The following STXBP6 variants were observed in gnomAD, a reference collection of about 807,000 sequenced individuals.
The protein encoded by STXBP6 is syntaxin binding protein 6.
A neutral mutation model predicts 26.9 loss-of-function variants in STXBP6; 21 were observed. That is an observed-to-expected ratio of 0.78 (90% CI 0.55 to 1.12). The LOEUF (loss-of-function observed/expected upper bound fraction) is 1.12. Among genes scored for constraint, STXBP6 ranks in the 50% most tolerant of loss-of-function variants. The pLI is 0.00. For synonymous variants in STXBP6, 97 were observed against 92.6 expected, an observed-to-expected ratio of 1.05 and a Z score of -0.27; for missense variants, 232 against 257.9, an observed-to-expected ratio of 0.90 and a Z score of 0.69.
At chr14:24,914,677 C>T (rs1036280875) in intron 2 of STXBP6, among the ~76,000 whole-genome samples, 14 of 152,194 alleles carry the variant, frequency 9.2e-5, no homozygotes, top group African/African-American at 3.1e-4. Context: ...TTTCCCTAAG[C>T]TATCCGTTGT....
At chr14:24,930,387 T>C (rs1231178629) in intron 2 of STXBP6, among the ~76,000 whole-genome samples, 5 of 152,272 alleles carry the variant, frequency 3.3e-5, no homozygotes, top group Non-Finnish European at 7.3e-5. Context: ...TGTGGCACTG[T>C]GCTAATTATA....
At chr14:24,938,768 C>T (rs7141066) in intron 2 of STXBP6, among the ~76,000 whole-genome samples, 16,867 of 152,162 alleles carry the variant, frequency 0.11, 1,100 homozygotes, top group East Asian at 0.26. Flanking sequence ...ATCTGCTCCC[C>T]TAAGCTTTCA....
intron 2 of STXBP6, among the ~76,000 whole-genome samples, chr14:24,907,541 G>A (rs1394513561): frequency 1.3e-5 from 2 of 152,114 alleles, no homozygotes; most frequent in Middle Eastern, 3.2e-3. Context: ...TGCCATGAGA[G>A]AGTCTTTGAA....
At chr14:24,954,905 A>G (rs1396753986) in intron 2 of STXBP6, among the ~76,000 whole-genome samples, 2 of 151,896 alleles carry the variant, frequency 1.3e-5, no homozygotes, top group African/African-American at 4.8e-5. Flanking sequence ...TTGAATCCCT[A>G]CTCCCATATT....
rs564582259 is a variant in STXBP6 at position 24,822,959 on chromosome 14, G to A, written c.452-3765C>T. Among the ~76,000 whole-genome samples the A allele has an allele frequency of 4.6e-5, 7 of 152,200 alleles. No homozygotes were observed. The East Asian group carries it at 1.4e-3, about 29-fold the overall frequency. The stretch of plus-strand genomic sequence containing the variant: ...CATCATATTGTGCTGAGTTAAATCT[G>A]GAAATAAAGCAGCCTCCTGAGGCCA... On this transcript the variant is annotated intron_variant, in intron 4 of 5. Transcript: ENST00000323944.
intron 1 of STXBP6, among the ~76,000 whole-genome samples, chr14:25,031,704 T>C (rs1405135702): frequency 6.6e-6 from 1 of 151,974 alleles, no homozygotes; most frequent in East Asian, 1.9e-4. Context: ...TGGCTGTATG[T>C]ATCTCCCAAG....
intron 1 of STXBP6, among the ~76,000 whole-genome samples, chr14:25,004,514 G>T (rs1443662929): frequency 6.6e-6 from 1 of 152,168 alleles, no homozygotes; most frequent in Non-Finnish European, 1.5e-5. Context: ...GGGCAAAACT[G>T]ACTGGATTAG....
intron 2 of STXBP6, among the ~76,000 whole-genome samples, chr14:24,860,680 CT>C (rs2069504592): frequency 6.6e-6 from 1 of 151,998 alleles, no homozygotes; most frequent in Admixed American, 6.6e-5. Flanking sequence ...TTTGAGATAG[CT>C]GAATAACATC....
At chr14:25,037,389 G>T (rs2075573884) in intron 1 of STXBP6, among the ~76,000 whole-genome samples, 1 of 152,086 alleles carries the variant, frequency 6.6e-6, no homozygotes, top group Admixed American at 6.5e-5. Flanking sequence ...AGACAGTAAG[G>T]TTTGACTTTT....
intron 5 of STXBP6, among the ~76,000 whole-genome samples, chr14:24,818,723 C>T (rs2068052348): frequency 2.0e-5 from 3 of 152,088 alleles, no homozygotes; most frequent in African/African-American, 7.2e-5. Context: ...TTCTCCCCGA[C>T]CCCCTGTTCT....
At chr14:24,959,214 C>T (rs17185439) in intron 2 of STXBP6, among the ~76,000 whole-genome samples, 16,029 of 152,154 alleles carry the variant, frequency 0.11, 1,112 homozygotes, top group East Asian at 0.22. Flanking sequence ...TATTTCTTTA[C>T]TAACATATCA....
chr14:24,953,184 C>T (rs1394598763), intron 2 of STXBP6, among the ~76,000 whole-genome samples: 3 of 152,192 alleles, frequency 2.0e-5, no homozygotes, highest in African/African-American at 7.2e-5. Flanking sequence ...ATTCACATCG[C>T]TTTCTTCCCT....
At position 24,976,315 on chromosome 14, in the gene STXBP6, A is replaced by G. The variant is rs2074043699; in HGVS notation, c.-32-1465T>C. ...TATAACCTCCTGGTAGGAAAGTGAT[A>G]TATTAAAAAAGAACACCTTTCTAGT... On this transcript the variant is annotated intron_variant, in intron 1 of 5. Coordinates refer to ENST00000323944, the MANE Select transcript of STXBP6 (RefSeq NM_001394410.1). 2.0e-5 allele frequency among the ~76,000 whole-genome samples: 3 copies of G among 152,364 alleles called. 1 individual carries two copies. Among genetic ancestry groups the G allele is most frequent in the Non-Finnish European group, 1.5e-5 (1 of 68,038 alleles).
intron 1 of STXBP6, among the ~76,000 whole-genome samples, chr14:24,995,765 A>C (rs1309088200): frequency 1.3e-5 from 2 of 152,176 alleles, no homozygotes; most frequent in Non-Finnish European, 2.9e-5. Flanking sequence ...AAACATAGTA[A>C]CTAAATACCC....
At chr14:24,825,964 T>A (rs1424189222) in intron 4 of STXBP6, among the ~76,000 whole-genome samples, 1 of 152,200 alleles carries the variant, frequency 6.6e-6, no homozygotes, top group Non-Finnish European at 1.5e-5. Flanking sequence ...TTTCTCAGAA[T>A]ACAGGGAACA....
In STXBP6 at chr14:24,976,852, C is replaced by CTTTTTTTTT. The variant is rs71121808; in HGVS notation, c.-32-2011_-32-2003dup. Among the ~76,000 whole-genome samples the CTTTTTTTTT allele has an allele frequency of 8.2e-3, 371 of 45,270 alleles. 63 individuals are homozygous for CTTTTTTTTT. Among genetic ancestry groups the CTTTTTTTTT allele is most frequent in the East Asian group, 0.026 (33 of 1,284 alleles). The allele number at this position is 45,270 out of a possible 152,430, so 29.7% of individuals were successfully genotyped here. ...CAAAGTCCTGAGCTGACTGGGCGCT[C>CTTTTTTTTT]TTTTTTTTTTTTTTTTTTTTTTTTT... On this transcript the variant is annotated intron_variant, in intron 1 of 5. Coordinates refer to ENST00000323944, the MANE Select transcript of STXBP6 (RefSeq NM_001394410.1).
At chr14:25,007,385 C>CTATGACA (rs1434505160) in intron 1 of STXBP6, among the ~76,000 whole-genome samples, 1 of 152,192 alleles carries the variant, frequency 6.6e-6, no homozygotes, top group Non-Finnish European at 1.5e-5. Context: ...GTAGTAGTAA[C>CTATGACA]TATGACAGCA....
In STXBP6 at chr14:25,035,020, G is replaced by A. The variant is rs573776350; in HGVS notation, c.-33+14858C>T. The stretch of plus-strand genomic sequence containing the variant: ...ACAAAAATTAGTTGGGAATGGAGGC[G>A]TGCACCTATAATCCCAGCTACTCGG... On this transcript the variant is annotated intron_variant, in intron 1 of 5. Transcript: ENST00000323944. 1.8e-4 allele frequency among the ~76,000 whole-genome samples: 28 copies of A among 152,050 alleles called. 1 individual carries two copies. Among genetic ancestry groups the A allele is most frequent in the African/African-American group, 5.1e-4 (21 of 41,464 alleles).
intron 1 of STXBP6, among the ~76,000 whole-genome samples, chr14:25,015,518 G>A (rs1049198580): frequency 2.6e-5 from 4 of 151,544 alleles, no homozygotes; most frequent in Non-Finnish European, 5.9e-5. Context: ...AAAAGAAATG[G>A]ATTTATTATT....
Sources: gnomAD v4.1 joint callset for allele counts (sites outside exome capture counted in the v4.1 genomes callset) on GRCh38, gnomAD v4.1.1 for gene constraint, MANE v1.5 for transcripts, NCBI Gene and HGNC (gene_info 2026-07-23, HGNC 2026-07-21) for gene names.